The following MARCHF1 variants were observed in gnomAD, a reference collection of about 807,000 sequenced individuals.
The protein encoded by MARCHF1 is E3 ubiquitin-protein ligase MARCHF1.
In MARCHF1, 40 loss-of-function variants were observed where a neutral mutation model predicts 54.2. The ratio of observed to expected loss-of-function variants is 0.74; its 90% CI spans 0.57 to 0.96. The LOEUF is 0.96. MARCHF1 is among the 40% of genes least tolerant of loss of function. MARCHF1 has a pLI of 0.00. For synonymous variants in MARCHF1, 236 were observed against 236.3 expected (o/e 1.00, Z 0.01); for missense variants, 586 against 656.5 (o/e 0.89, Z 1.17).
intron 3 of MARCHF1, among the ~76,000 whole-genome samples, chr4:163,926,492 G>A (rs761797047): frequency 4.5e-4 from 68 of 151,402 alleles, no homozygotes; most frequent in Non-Finnish European, 8.1e-4. Flanking sequence ...TAACTGTTGG[G>A]CCAATACATA....
At chr4:163,930,463 G>A (rs1751646511) in intron 3 of MARCHF1, among the ~76,000 whole-genome samples, 2 of 149,618 alleles carry the variant, frequency 1.3e-5, no homozygotes, top group East Asian at 4.0e-4. Context: ...TGTGGTTTGG[G>A]CCTTTGAAAA....
At chr4:164,079,624 G>A (rs1755053909) in intron 2 of MARCHF1, among the ~76,000 whole-genome samples, 1 of 152,032 alleles carries the variant, frequency 6.6e-6, no homozygotes, top group South Asian at 2.1e-4. Context: ...TATAGCAGTT[G>A]AATGAATAAT....
intron 1 of MARCHF1, among the ~76,000 whole-genome samples, chr4:164,235,713 A>T (rs1398508722): frequency 6.6e-6 from 1 of 152,050 alleles, no homozygotes; most frequent in Non-Finnish European, 1.5e-5. Flanking sequence ...AGAGTGATAC[A>T]GTGGACTTTA....
chr4:164,126,825 G>A (rs1756192759), intron 1 of MARCHF1, among the ~76,000 whole-genome samples: 1 of 152,166 alleles, frequency 6.6e-6, no homozygotes. Flanking sequence ...GGAGGCCGAG[G>A]CAGGCGCATC....
intron 2 of MARCHF1, among the ~76,000 whole-genome samples, chr4:164,012,309 G>T (rs923338886): frequency 1.3e-5 from 2 of 152,024 alleles, no homozygotes; most frequent in Non-Finnish European, 2.9e-5. Flanking sequence ...TTGACAGAAG[G>T]TGAGTACAGA....
intron 1 of MARCHF1, among the ~76,000 whole-genome samples, chr4:164,251,096 A>G (rs1733109672): frequency 6.6e-6 from 1 of 152,160 alleles, no homozygotes; most frequent in Non-Finnish European, 1.5e-5. Flanking sequence ...GATCATCACC[A>G]ATGTGCTAGC....
rs139531555 is a variant in MARCHF1, at chr4:163,688,218, G to A, written c.162+12595C>T. On this transcript the variant is annotated intron_variant, in intron 5 of 9. Coordinates refer to ENST00000514618, the MANE Select transcript of MARCHF1 (RefSeq NM_001394959.1). ...AATTGTAACAAAAAAGAAAAAAAAA[G>A]CTGAAGTTATAAAAAATTAAAATAG... is the stretch of plus-strand genomic sequence containing the variant. 7.9e-4 allele frequency among the ~76,000 whole-genome samples: 120 copies of A among 152,028 alleles called. 2 individuals carry two copies. The East Asian group carries it at 0.023, about 29-fold the overall frequency.
At chr4:163,561,222 T>A (rs548828456) in intron 8 of MARCHF1, among the ~76,000 whole-genome samples, 1 of 152,192 alleles carries the variant, frequency 6.6e-6, no homozygotes. Flanking sequence ...ATATTACAAT[T>A]AGAAACTTTT....
At chr4:163,643,827 T>A (rs184687492) in intron 5 of MARCHF1, among the ~76,000 whole-genome samples, 2 of 152,132 alleles carry the variant, frequency 1.3e-5, no homozygotes, top group Non-Finnish European at 2.9e-5. Flanking sequence ...TTTAGGTTTT[T>A]TTGTTACAAC....
chr4:163,560,910 C>T lies in MARCHF1; in HGVS notation c.1192-15167G>A, dbSNP rs367581230. ...TAAATTCACTTCTTAGTCTTAGTAG[C>T]TTTTTGGTAGATTCCATCATATTTT... On this transcript the variant is annotated intron_variant, in intron 8 of 9. Transcript: ENST00000514618. 1.2e-4 allele frequency among the ~76,000 whole-genome samples: 18 copies of T among 152,194 alleles called. No homozygotes were observed. The East Asian group carries it at 1.7e-3, about 15-fold the overall frequency.
chr4:163,979,515 A>G (rs1191961412), intron 3 of MARCHF1, among the ~76,000 whole-genome samples: 3 of 147,296 alleles, frequency 2.0e-5, no homozygotes, highest in East Asian at 2.1e-4. Flanking sequence ...AGCATGATTT[A>G]TAGTCATTTG....
At chr4:163,780,385 A>G (rs1293646623) in intron 4 of MARCHF1, among the ~76,000 whole-genome samples, 1 of 152,152 alleles carries the variant, frequency 6.6e-6, no homozygotes, top group Non-Finnish European at 1.5e-5. Context: ...ATTCCTCTTC[A>G]TTTGCTTTCA....
chr4:163,734,806 T>C (rs1410149048), intron 4 of MARCHF1, among the ~76,000 whole-genome samples: 2 of 152,172 alleles, frequency 1.3e-5, no homozygotes, highest in African/African-American at 2.4e-5. Context: ...TATCGTATTA[T>C]ACACTTTAAA....
chr4:164,093,403 G>T (rs1424433400), intron 2 of MARCHF1, among the ~76,000 whole-genome samples: 1 of 152,064 alleles, frequency 6.6e-6, no homozygotes, highest in Non-Finnish European at 1.5e-5. Context: ...CAATACTATT[G>T]TTGTGTAGAA....
At chr4:164,171,774 GA>G (rs1462413037) in intron 1 of MARCHF1, among the ~76,000 whole-genome samples, 4 of 152,266 alleles carry the variant, frequency 2.6e-5, no homozygotes, top group African/African-American at 7.2e-5. Flanking sequence ...GGCTGAGGAA[GA>G]AAAGGCATTC....
chr4:164,198,710 A>C (rs1365648158), intron 1 of MARCHF1, among the ~76,000 whole-genome samples: 1 of 152,234 alleles, frequency 6.6e-6, no homozygotes. Context: ...GAAACATGGC[A>C]GAAGCCTTGA....
chr4:163,635,993 C>A (rs1384825832), intron 5 of MARCHF1, among the ~76,000 whole-genome samples: 1 of 152,080 alleles, frequency 6.6e-6, no homozygotes, highest in African/African-American at 2.4e-5. Context: ...AAGACAAAAA[C>A]CACATGATTA....
chr4:163,859,321 G>A (rs1309210153), intron 3 of MARCHF1, among the ~76,000 whole-genome samples: 1 of 151,994 alleles, frequency 6.6e-6, no homozygotes. Flanking sequence ...CAAGGAAGTA[G>A]GGCTCTCATT....
At chr4:163,908,866 A>G (rs1484169839) in intron 3 of MARCHF1, among the ~76,000 whole-genome samples, 1 of 152,118 alleles carries the variant, frequency 6.6e-6, no homozygotes, top group Admixed American at 6.6e-5. Flanking sequence ...ATGATTCTCT[A>G]GTGTAGATGT....
Sources: gnomAD v4.1 joint callset for allele counts (sites outside exome capture counted in the v4.1 genomes callset) on GRCh38, gnomAD v4.1.1 for gene constraint, MANE v1.5 for transcripts, NCBI Gene and HGNC (gene_info 2026-07-23, HGNC 2026-07-21) for gene names.